ABL1: variants seen among roughly 807,000 people sequenced by gnomAD.
The protein encoded by ABL1 is tyrosine-protein kinase ABL1.
A neutral mutation model predicts 94.7 loss-of-function variants in ABL1; 11 were observed. That is an observed-to-expected ratio of 0.12 (90% CI 0.07 to 0.19). The LOEUF is 0.19. Ranked by LOEUF, ABL1 falls within the 10% of genes least tolerant of loss-of-function variation. The probability of loss-of-function intolerance (pLI) is 1.00; values close to 1 mark genes in which losing one functional copy is unlikely to be tolerated. For synonymous variants in ABL1, 656 were observed against 622.4 expected, an observed-to-expected ratio of 1.05 and a Z score of -0.80; for missense variants, 1,082 against 1,489.4, an observed-to-expected ratio of 0.73 and a Z score of 4.50.
chr9:130,743,318 C>T (rs1372511189), intron 1 of ABL1, among the ~76,000 whole-genome samples: 2 of 152,292 alleles, frequency 1.3e-5, no homozygotes, highest in Admixed American at 1.3e-4. Context: ...GGTGATCCAC[C>T]CGTCTTGGCC....
At position 130,876,733 on chromosome 9, in the gene ABL1, C is replaced by CTTTTTTT. The variant is rs755840936; in HGVS notation, c.1271-1665_1271-1659dup. Among the ~76,000 whole-genome samples, 258 of 83,176 alleles carry CTTTTTTT rather than the reference C, an allele frequency of 3.1e-3. 16 individuals carry two copies. The highest frequency in any genetic ancestry group is 9.3e-3 in the African/African-American group (179 of 19,312). 54.6% of individuals were successfully genotyped at this position (83,176 alleles called of 152,430 possible). Reference sequence around the variant, plus strand: ...ACCATGCCCTGCCACAAGTTGGTTTCTTTTTTTTTTTTTTTTTTTTTTTGA... The same window carrying CTTTTTTT: ...ACCATGCCCTGCCACAAGTTGGTTTCTTTTTTTTTTTTTTTTTTTTTTTTTTTTTTGA... On this transcript the variant is annotated intron_variant, in intron 7 of 10. Coordinates refer to ENST00000318560, the MANE Select transcript of ABL1 (RefSeq NM_005157.6).
At position 130,884,277 on chromosome 9, in the gene ABL1, A is replaced by G. The variant is rs1470470753; in HGVS notation, c.1987A>G (p.Ser663Gly). 2 of 1,600,678 alleles carry G rather than the reference A, an allele frequency of 1.2e-6. No individual in the cohort carries two copies. The highest frequency in any genetic ancestry group is 2.2e-5 in the South Asian group (2 of 89,540). The change falls in exon 11 of 11, where the codon AGC (serine) becomes GGC (glycine). Residue 663 changes from serine (S) to glycine (G), a missense_variant. Coordinates refer to ENST00000318560, the MANE Select transcript of ABL1 (RefSeq NM_005157.6). The surrounding 1 kb of genome is among the most constrained non-coding windows in gnomAD (Gnocchi z 5.6). ...TADPAKSPKP[S>G]NGAGVPNGAL... ...TGACCCAGCCAAGTCCCCAAAGCCC[A>G]GCAATGGGGCTGGGGTCCCCAATGG...
intron 1 of ABL1, among the ~76,000 whole-genome samples, chr9:130,776,468 T>C (rs1449913957): frequency 6.6e-6 from 1 of 152,060 alleles, no homozygotes; most frequent in African/African-American, 2.4e-5. Flanking sequence ...TGGTGGCTAC[T>C]TGGGAGGCTG....
chr9:130,837,279 A>G (rs1830603397), intron 1 of ABL1, among the ~76,000 whole-genome samples: 1 of 152,228 alleles, frequency 6.6e-6, no homozygotes, highest in Non-Finnish European at 1.5e-5. Context: ...TTCTGAGCAC[A>G]TTCTCATTTA....
upstream of ABL1, among the ~76,000 whole-genome samples, chr9:130,830,603 T>A (rs1473731804): frequency 6.6e-6 from 1 of 152,214 alleles, no homozygotes; most frequent in East Asian, 1.9e-4. Flanking sequence ...TCATATAGCA[T>A]GTTTGTTAAT....
upstream of ABL1, chr9:130,834,974 GCTTC>G (rs982077925): frequency 3.3e-5 from 15 of 452,876 alleles, no homozygotes; most frequent in Non-Finnish European, 5.8e-5. Flanking sequence ...GTTGCGCGCG[GCTTC>G]TAAAGTGGAG....
At chr9:130,717,288 C>T (rs1831455020) in intron 1 of ABL1, among the ~76,000 whole-genome samples, 1 of 152,148 alleles carries the variant, frequency 6.6e-6, no homozygotes, top group Non-Finnish European at 1.5e-5. Flanking sequence ...AATGATCTGG[C>T]CACCTCAGCC....
chr9:130,845,615 C>T (rs923136215), intron 1 of ABL1, among the ~76,000 whole-genome samples: 1 of 152,130 alleles, frequency 6.6e-6, no homozygotes, highest in Non-Finnish European at 1.5e-5. Flanking sequence ...TGTTTGATAT[C>T]AGGTGACGGT....
At chr9:130,859,419 C>T (rs1195335510) in intron 3 of ABL1, among the ~76,000 whole-genome samples, 1 of 152,070 alleles carries the variant, frequency 6.6e-6, no homozygotes, top group Non-Finnish European at 1.5e-5. Context: ...GCGTAGGCCT[C>T]CTGGTGAAAA....
At chr9:130,769,034 G>A (rs1832219302) in intron 1 of ABL1, among the ~76,000 whole-genome samples, 2 of 152,128 alleles carry the variant, frequency 1.3e-5, no homozygotes, top group Admixed American at 1.3e-4. Context: ...GGAATGGATC[G>A]GGGTGGGTAT....
chr9:130,876,211 C>G (rs766027869), intron 7 of ABL1, among the ~76,000 whole-genome samples: 28 of 151,734 alleles, frequency 1.8e-4, no homozygotes, highest in Non-Finnish European at 3.2e-4. Flanking sequence ...GTGCCTAGAT[C>G]CAATAGTTTG....
chr9:130,768,255 G>A (rs1832208672), intron 1 of ABL1, among the ~76,000 whole-genome samples: 1 of 152,074 alleles, frequency 6.6e-6, no homozygotes, highest in Non-Finnish European at 1.5e-5. Context: ...GGATTTACTT[G>A]GTTGCTACAT....
chr9:130,784,749 A>G lies in ABL1; in HGVS notation c.137-69315A>G, dbSNP rs180717030. ...AACTGTCCTTGCTTCCTTTTGGTAC[A>G]TTCACCCTGCAGCAGATGTCATGGC... On this transcript the variant is annotated intron_variant, in intron 1 of 10. Transcript: ENST00000372348. Among the ~76,000 whole-genome samples the G allele has an allele frequency of 6.2e-4, 95 of 152,202 alleles. 1 individual carries two copies. The highest frequency in any genetic ancestry group is 6.1e-3 in the Admixed American group (94 of 15,296).
chr9:130,850,935 TG>T (rs773597569), intron 1 of ABL1, among the ~76,000 whole-genome samples: 2 of 151,526 alleles, frequency 1.3e-5, no homozygotes, highest in Non-Finnish European at 2.9e-5. Context: ...TTTGTTTGTT[TG>T]TTTTTTTGAG....
intron 8 of ABL1, among the ~76,000 whole-genome samples, chr9:130,878,958 A>G (rs1280943061): frequency 1.2e-4 from 18 of 150,026 alleles, no homozygotes; most frequent in Admixed American, 1.1e-3. Flanking sequence ...GCTCACTTCA[A>G]CCTCCACCTC....
At chr9:130,795,712 TTAAA>T (rs368668366) in intron 1 of ABL1, among the ~76,000 whole-genome samples, 1 of 152,336 alleles carries the variant, frequency 6.6e-6, no homozygotes, top group African/African-American at 2.4e-5. Context: ...GCTGGACTAA[TTAAA>T]TAATCAACAT....
intron 3 of ABL1, among the ~76,000 whole-genome samples, chr9:130,859,677 C>CTTTT (rs869234280): frequency 0.015 from 1,182 of 78,414 alleles, 208 homozygotes; most frequent in African/African-American, 0.059. Flanking sequence ...TCTTTCTTTC[C>CTTTT]TTTTTTTTTT....
chr9:130,845,360 T>C (rs568845802), intron 1 of ABL1, among the ~76,000 whole-genome samples: 38 of 151,950 alleles, frequency 2.5e-4, no homozygotes, highest in Non-Finnish European at 1.0e-4. Context: ...TTTTTTTTTT[T>C]AGACAGAGTC....
intron 1 of ABL1, among the ~76,000 whole-genome samples, chr9:130,771,430 CTT>C (rs1832249919): frequency 6.6e-6 from 1 of 152,100 alleles, no homozygotes; most frequent in Non-Finnish European, 1.5e-5. Flanking sequence ...AGCTTGATAA[CTT>C]ATACAGATGC....
Sources: gnomAD v4.1 joint callset for allele counts (sites outside exome capture counted in the v4.1 genomes callset) on GRCh38, gnomAD v4.1.1 for gene constraint, Gnocchi (gnomAD v3.1) non-coding constraint, MANE v1.5 for transcripts, NCBI Gene and HGNC (gene_info 2026-07-23, HGNC 2026-07-21) for gene names.